The following HPSE2 variants were observed in gnomAD, a reference collection of about 807,000 sequenced individuals.
HPSE2 encodes the protein inactive heparanase-2.
Under a neutral mutation model 60.5 loss-of-function variants are expected in HPSE2, and 38 were observed. That is an observed-to-expected ratio of 0.63 (90% confidence interval 0.48 to 0.82). The LOEUF (loss-of-function observed/expected upper bound fraction) is 0.82, where lower values mean the gene tolerates loss of function less well. HPSE2 is among the 40% of genes least tolerant of loss of function. HPSE2 has a pLI of 0.00. For synonymous variants in HPSE2, 295 were observed against 293.2 expected (o/e 1.01, Z -0.06); for missense variants, 713 against 740.4 (o/e 0.96, Z 0.43).
chr10:98,846,756 G>C, intron 3 of HPSE2, among the ~76,000 whole-genome samples: 1 of 152,066 alleles, frequency 6.6e-6, no homozygotes, highest in East Asian at 1.9e-4. Context: ...TTCTTTTTTA[G>C]ATACAGGGTC....
At chr10:98,724,659 G>C (rs1447897244) in intron 4 of HPSE2, among the ~76,000 whole-genome samples, 1 of 152,126 alleles carries the variant, frequency 6.6e-6, no homozygotes, top group African/African-American at 2.4e-5. Context: ...CCTGTACTGG[G>C]TGCATATATA....
At chr10:98,727,679 C>CA (rs138235341) in intron 4 of HPSE2, among the ~76,000 whole-genome samples, 24,760 of 145,428 alleles carry the variant, frequency 0.17, 2,264 homozygotes, top group Admixed American at 0.25. Flanking sequence ...ACAACAACAA[C>CA]AAAAAAAAAC....
At chr10:98,616,612 T>C (rs759632313) in intron 8 of HPSE2, among the ~76,000 whole-genome samples, 12 of 152,216 alleles carry the variant, frequency 7.9e-5, no homozygotes, top group Non-Finnish European at 1.6e-4. Context: ...TTTACAATTA[T>C]ATTTTATTCT....
intron 11 of HPSE2, among the ~76,000 whole-genome samples, chr10:98,464,960 C>T (rs1019040510): frequency 1.3e-5 from 2 of 152,124 alleles, no homozygotes; most frequent in Non-Finnish European, 2.9e-5. Flanking sequence ...AAGATCTATG[C>T]GACCATCTCT....
intron 3 of HPSE2, among the ~76,000 whole-genome samples, chr10:98,970,236 TA>T (rs1955917498): frequency 6.6e-6 from 1 of 152,118 alleles, no homozygotes; most frequent in African/African-American, 2.4e-5. Flanking sequence ...GTGCTGGGCT[TA>T]CAGGCCTGAG....
intron 2 of HPSE2, among the ~76,000 whole-genome samples, chr10:99,174,299 T>C (rs2133810851): frequency 6.6e-6 from 1 of 152,366 alleles, no homozygotes; most frequent in East Asian, 1.9e-4. Flanking sequence ...TTCATTGTCC[T>C]TTATGATTTG....
intron 3 of HPSE2, among the ~76,000 whole-genome samples, chr10:98,829,968 C>G (rs1352767395): frequency 6.6e-6 from 1 of 152,052 alleles, no homozygotes. Context: ...ACCTATTGAC[C>G]CATCCCATAA....
chr10:98,619,880 G>A (rs1442003450), intron 8 of HPSE2, among the ~76,000 whole-genome samples: 1 of 152,184 alleles, frequency 6.6e-6, no homozygotes, highest in Non-Finnish European at 1.5e-5. Flanking sequence ...CAGACCATGT[G>A]AGGAAGAAAG....
At chr10:98,669,522 G>A (rs1389755697) in intron 6 of HPSE2, among the ~76,000 whole-genome samples, 1 of 152,150 alleles carries the variant, frequency 6.6e-6, no homozygotes, top group Non-Finnish European at 1.5e-5. Flanking sequence ...AGAAAATTTG[G>A]TACATATACA....
chr10:98,559,934 T>C (rs1295137348), intron 9 of HPSE2, among the ~76,000 whole-genome samples: 1 of 152,080 alleles, frequency 6.6e-6, no homozygotes, highest in African/African-American at 2.4e-5. Flanking sequence ...TCTGGGTTCA[T>C]GTGGGAAAGA....
chr10:99,236,696 A>C (rs1441453114), upstream of HPSE2, among the ~76,000 whole-genome samples: 1 of 152,166 alleles, frequency 6.6e-6, no homozygotes, highest in Admixed American at 6.5e-5. Context: ...CCGAGGGCCA[A>C]AAGGGACATG....
rs35913499 is a variant in HPSE2 at position 98,908,683 on chromosome 10, C to CAAAA, written c.611-164631_611-164628dup. Among the ~76,000 whole-genome samples the CAAAA allele has an allele frequency of 4.4e-4, 29 of 66,114 alleles. 2 individuals are homozygous for CAAAA. The highest frequency in any genetic ancestry group is 5.9e-4 in the Non-Finnish European group (22 of 37,452). 43.4% of individuals were successfully genotyped at this position (66,114 alleles called of 152,430 possible). ...AGGCAACAAGAGCGTAGCTCCATCTCAAAAAAAAAAAAAAAAAAAAAAAAA... is the reference window on the plus strand; with the variant it reads ...AGGCAACAAGAGCGTAGCTCCATCTCAAAAAAAAAAAAAAAAAAAAAAAAAAAAA... On this transcript the variant is annotated intron_variant, in intron 3 of 11. Transcript: ENST00000370552.
chr10:98,937,042 C>G (rs1249994453), intron 3 of HPSE2, among the ~76,000 whole-genome samples: 1 of 129,700 alleles, frequency 7.7e-6, no homozygotes, highest in Non-Finnish European at 1.6e-5. Context: ...TTAAGTTTTT[C>G]AACCTCCTCC....
chr10:98,858,840 A>C (rs553740952), intron 3 of HPSE2, among the ~76,000 whole-genome samples: 3 of 152,348 alleles, frequency 2.0e-5, no homozygotes, highest in African/African-American at 7.2e-5. Flanking sequence ...AGAATGCAGA[A>C]TACATTGCAC....
chr10:98,647,479 G>C (rs911514274), intron 6 of HPSE2, among the ~76,000 whole-genome samples: 1 of 152,166 alleles, frequency 6.6e-6, no homozygotes, highest in Non-Finnish European at 1.5e-5. Flanking sequence ...TTTCAAGGAG[G>C]AGGGGCAGCC....
intron 7 of HPSE2, among the ~76,000 whole-genome samples, chr10:98,631,543 C>CT (rs1281478141): frequency 1.3e-5 from 2 of 152,296 alleles, no homozygotes; most frequent in African/African-American, 4.8e-5. Context: ...TTTACTCTTG[C>CT]TTAGGACAAA....
chr10:98,969,631 G>A (rs1955900176), intron 3 of HPSE2, among the ~76,000 whole-genome samples: 1 of 152,180 alleles, frequency 6.6e-6, no homozygotes, highest in East Asian at 1.9e-4. Flanking sequence ...CTTGACTGAA[G>A]ACAGAACATG....
At chr10:98,967,075 G>A (rs1488113483) in intron 3 of HPSE2, among the ~76,000 whole-genome samples, 2 of 152,174 alleles carry the variant, frequency 1.3e-5, no homozygotes. Context: ...CGATTTAGAG[G>A]AGAAATAAAT....
intron 3 of HPSE2, among the ~76,000 whole-genome samples, chr10:99,055,493 C>T (rs2135510457): frequency 6.6e-6 from 1 of 152,052 alleles, no homozygotes; most frequent in African/African-American, 2.4e-5. Context: ...TATAAAATGA[C>T]CTAATATAAT....
Sources: allele counts gnomAD v4.1 joint callset (sites outside exome capture counted in the v4.1 genomes callset), GRCh38; gene constraint gnomAD v4.1.1; transcripts MANE v1.5; gene names NCBI Gene and HGNC (gene_info 2026-07-23, HGNC 2026-07-21).